The following ANKS1B variants were observed in gnomAD, a reference collection of about 807,000 sequenced individuals.
ANKS1B encodes the protein ankyrin repeat and sterile alpha motif domain-containing protein 1B.
Under a neutral mutation model 148.3 loss-of-function variants are expected in ANKS1B, and 36 were observed. The ratio of observed to expected loss-of-function variants is 0.24; its 90% CI spans 0.19 to 0.32. The LOEUF (loss-of-function observed/expected upper bound fraction) is 0.32. ANKS1B is among the 10% of genes least tolerant of loss of function. The probability of loss-of-function intolerance (pLI) is 1.00; values close to 1 mark genes in which losing one functional copy is unlikely to be tolerated. For missense variants in ANKS1B, 1,157 were observed against 1,542.6 expected (o/e 0.75, Z 4.19); for synonymous variants, 542 against 560.8 (o/e 0.97, Z 0.47).
chr12:99,322,325 G>T (rs951019690), intron 12 of ANKS1B, among the ~76,000 whole-genome samples: 3 of 151,868 alleles, frequency 2.0e-5, no homozygotes, highest in African/African-American at 7.3e-5. Flanking sequence ...GGACACAGGG[G>T]GGTGAACAAC....
rs59571547 is a variant in ANKS1B at position 98,800,839 on chromosome 12, TAGA to T, written c.3270+155_3270+157del. On this transcript the variant is annotated intron_variant, in intron 21 of 26. Coordinates refer to ENST00000683438, the MANE Select transcript of ANKS1B (RefSeq NM_001352186.2). ...TAGTTATTTGGACTTTCTCTTTGGATAGAAGGCTACTTTAAGAAAAAGTGAAGA... is the reference window on the plus strand; with the variant it reads ...TAGTTATTTGGACTTTCTCTTTGGATAGGCTACTTTAAGAAAAAGTGAAGA... Among the ~76,000 whole-genome samples the T allele has an allele frequency of 5.0e-3, 761 of 152,158 alleles. 5 individuals are homozygous for T. The highest frequency in any genetic ancestry group is 0.017 in the African/African-American group (721 of 41,474).
At chr12:98,808,014 T>C (rs1386508586) in intron 19 of ANKS1B, 96 bp from the exon 20 acceptor site, 3 of 944,604 alleles carry the variant, frequency 3.2e-6, no homozygotes, top group African/African-American at 1.7e-5. Context: ...AATAATAAAA[T>C]GCAAAGAATC....
At chr12:99,724,091 C>G (rs530229917) in intron 8 of ANKS1B, among the ~76,000 whole-genome samples, 1 of 152,168 alleles carries the variant, frequency 6.6e-6, no homozygotes, top group East Asian at 1.9e-4. Context: ...GCCAGAGTGC[C>G]TCTTCTCCTC....
At chr12:99,479,916 G>C (rs1015865973) in intron 10 of ANKS1B, among the ~76,000 whole-genome samples, 1 of 151,666 alleles carries the variant, frequency 6.6e-6, no homozygotes, top group Non-Finnish European at 1.5e-5. Context: ...ATAAATAGTA[G>C]GTATGTGAGG....
chr12:98,758,642 T>G (rs1434019732), intron 25 of ANKS1B, among the ~76,000 whole-genome samples: 1 of 152,186 alleles, frequency 6.6e-6, no homozygotes, highest in Non-Finnish European at 1.5e-5. Context: ...CAGTAGTGGC[T>G]ATTTAGGAAG....
chr12:99,003,654 C>T (rs1472131223), intron 17 of ANKS1B, among the ~76,000 whole-genome samples: 3 of 152,176 alleles, frequency 2.0e-5, no homozygotes, highest in Non-Finnish European at 4.4e-5. Context: ...TTTCATGGCT[C>T]TATGAAGGCA....
intron 17 of ANKS1B, chr12:98,894,513 C>T (rs959055117): frequency 8.4e-6 from 8 of 951,026 alleles, no homozygotes; most frequent in African/African-American, 3.5e-5. Flanking sequence ...CCGCAGCCTT[C>T]CCGGCTTGCC....
chr12:99,766,278 G>A (rs2062635291), intron 8 of ANKS1B, among the ~76,000 whole-genome samples: 1 of 152,094 alleles, frequency 6.6e-6, no homozygotes. Context: ...TGTCAAAGGG[G>A]TATATAAGAA....
chr12:99,903,019 G>A (rs2093655086), intron 1 of ANKS1B, among the ~76,000 whole-genome samples: 1 of 152,014 alleles, frequency 6.6e-6, no homozygotes, highest in Non-Finnish European at 1.5e-5. Flanking sequence ...ACCCTCCTCG[G>A]CCTCCCAAAA....
chr12:99,167,955 C>T (rs1472462056), intron 14 of ANKS1B, among the ~76,000 whole-genome samples: 3 of 152,198 alleles, frequency 2.0e-5, no homozygotes, highest in Non-Finnish European at 2.9e-5. Flanking sequence ...CAAAAGAATA[C>T]ATTCTGTATG....
At chr12:99,648,790 G>A in intron 9 of ANKS1B, 2 of 1,608,392 alleles carry the variant, frequency 1.2e-6, no homozygotes, top group Non-Finnish European at 1.7e-6. Context: ...GAGCCCAGTG[G>A]TGAGTCTATG....
intron 9 of ANKS1B, among the ~76,000 whole-genome samples, chr12:99,592,551 T>C (rs1195040710): frequency 6.6e-6 from 1 of 151,486 alleles, no homozygotes; most frequent in Non-Finnish European, 1.5e-5. Context: ...GAAGCTTTTA[T>C]AATACAGATA....
chr12:99,060,653 TCACACACACACACA>T lies in ANKS1B; in HGVS notation c.2626-7358_2626-7345del, dbSNP rs35515489. On this transcript the variant is annotated intron_variant, in intron 16 of 26. Coordinates refer to ENST00000683438, the MANE Select transcript of ANKS1B (RefSeq NM_001352186.2). ...ATACACACATATACATATATACACA[TCACACACACACACA>T]CACACACACACACACACACACACAC... Among the ~76,000 whole-genome samples, 317 of 126,100 alleles carry T rather than the reference TCACACACACACACA, an allele frequency of 2.5e-3. 6 individuals carry two copies. The South Asian group carries it at 0.055, about 22-fold the overall frequency. The allele number at this position is 126,100 out of a possible 152,430, so 82.7% of individuals were successfully genotyped here.
chr12:99,781,833 G>A (rs993796235), intron 5 of ANKS1B, among the ~76,000 whole-genome samples, 189 bp downstream of exon 5: 2 of 152,122 alleles, frequency 1.3e-5, no homozygotes, highest in Non-Finnish European at 2.9e-5. Context: ...CATAAAAGAA[G>A]TTGCACATTG....
intron 11 of ANKS1B, among the ~76,000 whole-genome samples, chr12:99,409,711 G>C (rs2094627628): frequency 6.6e-6 from 1 of 152,040 alleles, no homozygotes; most frequent in African/African-American, 2.4e-5. Flanking sequence ...AGCAATGGGA[G>C]AAAAGAATAA....
At chr12:99,780,531 C>A (rs2064180598) in intron 5 of ANKS1B, among the ~76,000 whole-genome samples, 1 of 152,006 alleles carries the variant, frequency 6.6e-6, no homozygotes, top group Non-Finnish European at 1.5e-5. Context: ...ATCTGCCCAC[C>A]TTGGCCTCCC....
intron 17 of ANKS1B, among the ~76,000 whole-genome samples, chr12:99,010,475 C>A (rs1043599748): frequency 2.0e-5 from 3 of 152,072 alleles, no homozygotes; most frequent in South Asian, 2.1e-4. Flanking sequence ...GAGTGAGGAC[C>A]AACATATATT....
At chr12:99,331,016 A>G (rs935913318) in intron 12 of ANKS1B, among the ~76,000 whole-genome samples, 3 of 151,992 alleles carry the variant, frequency 2.0e-5, no homozygotes, top group Admixed American at 6.6e-5. Context: ...TAAACAATGC[A>G]TTGATGAATC....
At chr12:98,844,759 G>C (rs2099437424) in intron 17 of ANKS1B, among the ~76,000 whole-genome samples, 1 of 152,128 alleles carries the variant, frequency 6.6e-6, no homozygotes, top group Non-Finnish European at 1.5e-5. Flanking sequence ...AATGCCACAG[G>C]CTCTGCCCCT....
Sources: allele counts gnomAD v4.1 joint callset (sites outside exome capture counted in the v4.1 genomes callset), GRCh38; gene constraint gnomAD v4.1.1; transcripts MANE v1.5; gene names NCBI Gene and HGNC (gene_info 2026-07-23, HGNC 2026-07-21).